KLHL4: variants seen among roughly 807,000 people sequenced by gnomAD.
KLHL4 encodes kelch like family member 4.
Under a neutral mutation model 45.8 loss-of-function variants are expected in KLHL4, and 17 were observed. That is an observed-to-expected ratio of 0.37 (90% CI 0.25 to 0.56). KLHL4 has a LOEUF of 0.56. Ranked by LOEUF, KLHL4 falls within the 20% of genes least tolerant of loss-of-function variation. The pLI is 0.79. For missense variants in KLHL4, 544 were observed against 544.9 expected, an observed-to-expected ratio of 1.00 and a Z score of 0.02; for synonymous variants, 224 against 189.9, an observed-to-expected ratio of 1.18 and a Z score of -1.47.
At position 87,641,625 on chromosome X, in the gene KLHL4, G is replaced by T. The variant is rs1026898177; in HGVS notation, c.1925+5850G>T. 4.5e-5 allele frequency among the ~76,000 whole-genome samples: 5 copies of T among 111,499 alleles called. No homozygotes were observed. In the Admixed American group the frequency reaches 4.8e-4, roughly 11 times the overall value. ...CCAAGCCCTTTTCTTTTGCAGCTTG[G>T]AAGCAGGTATCCTGGGGCAAGTTTT... On this transcript the variant is annotated intron_variant, in intron 9 of 10. Coordinates refer to ENST00000373119, the MANE Select transcript of KLHL4 (RefSeq NM_019117.5).
At chrX:87,594,121 T>G (rs2147801999) in intron 1 of KLHL4, among the ~76,000 whole-genome samples, 1 of 111,457 alleles carries the variant, frequency 9.0e-6, no homozygotes, top group Non-Finnish European at 1.9e-5. Flanking sequence ...ATTTGATAGT[T>G]TTATGTGGTC....
chrX:87,571,089 A>G (rs970784657), intron 1 of KLHL4, among the ~76,000 whole-genome samples: 2 of 110,838 alleles, frequency 1.8e-5, no homozygotes, highest in Non-Finnish European at 3.8e-5. Context: ...CTCAGGGTAC[A>G]TATTTTATAA....
intron 1 of KLHL4, among the ~76,000 whole-genome samples, chrX:87,606,087 C>T (rs895968367): frequency 1.8e-5 from 2 of 111,609 alleles, no homozygotes; most frequent in East Asian, 5.6e-4. Flanking sequence ...CCCACTTGAT[C>T]ACAATAGATG....
chrX:87,529,829 T>C (rs1000204470), intron 1 of KLHL4, among the ~76,000 whole-genome samples: 3 of 112,001 alleles, frequency 2.7e-5, no homozygotes, highest in Non-Finnish European at 5.6e-5. Flanking sequence ...AAGAGATTCA[T>C]TTTCTTTGAG....
intron 1 of KLHL4, among the ~76,000 whole-genome samples, chrX:87,605,575 C>T (rs780411451): frequency 1.9e-4 from 21 of 110,519 alleles, no homozygotes; most frequent in Non-Finnish European, 3.2e-4. Context: ...ATTTTTGTTA[C>T]GTTGACTTTT....
intron 1 of KLHL4, among the ~76,000 whole-genome samples, chrX:87,520,438 C>T (rs947401249): frequency 1.2e-4 from 14 of 112,466 alleles, no homozygotes; most frequent in African/African-American, 4.5e-4. Context: ...TTAAGCCATC[C>T]AGATTTCTAC....
rs187883152 is a variant in KLHL4 at position 87,637,324 on chromosome X, A to G, written c.1925+1549A>G. Among the ~76,000 whole-genome samples, 562 of 111,870 alleles carry G rather than the reference A, an allele frequency of 5.0e-3. 4 individuals are homozygous for G. Among genetic ancestry groups the G allele is most frequent in the African/African-American group, 0.017 (535 of 30,728 alleles). On this transcript the variant is annotated intron_variant, in intron 9 of 10. Coordinates refer to ENST00000373119, the MANE Select transcript of KLHL4 (RefSeq NM_019117.5). The stretch of plus-strand genomic sequence containing the variant: ...GGGATCACCCCCATAGGACAAAAGA[A>G]TCTGAACAGCAGCCCTTGAGTTCCA...
intron 1 of KLHL4, among the ~76,000 whole-genome samples, chrX:87,609,100 T>G (rs970449469): frequency 8.9e-6 from 1 of 111,872 alleles, no homozygotes; most frequent in African/African-American, 3.3e-5. Flanking sequence ...TATCCTTTTT[T>G]ATGGCTGCAT....
chrX:87,646,735 A>G (rs146968521), intron 9 of KLHL4, among the ~76,000 whole-genome samples: 4,233 of 111,762 alleles, frequency 0.038, 208 homozygotes, highest in African/African-American at 0.13. Context: ...ACCCTATAGA[A>G]AAATCAAGTC....
At chrX:87,538,419 AT>A (rs1931479392) in intron 1 of KLHL4, among the ~76,000 whole-genome samples, 1 of 111,971 alleles carries the variant, frequency 8.9e-6, no homozygotes, top group South Asian at 3.6e-4. Context: ...TATTCCACTA[AT>A]TTTTGTTTTT....
At chrX:87,559,103 A>C (rs1327041084) in intron 1 of KLHL4, among the ~76,000 whole-genome samples, 2 of 112,153 alleles carry the variant, frequency 1.8e-5, no homozygotes, top group East Asian at 5.7e-4. Flanking sequence ...TTTGCTTGAA[A>C]GCAGCCATAG....
At chrX:87,598,985 A>G in intron 1 of KLHL4, among the ~76,000 whole-genome samples, 1 of 111,238 alleles carries the variant, frequency 9.0e-6, no homozygotes, top group East Asian at 2.8e-4. Flanking sequence ...ATCCAGAAAT[A>G]ATAACCATAG....
chrX:87,623,926 T>C (rs755414612), intron 5 of KLHL4, among the ~76,000 whole-genome samples: 2 of 111,791 alleles, frequency 1.8e-5, no homozygotes, highest in Non-Finnish European at 3.8e-5. Flanking sequence ...CCTTTGAAAA[T>C]GTTCCTTGAC....
At chrX:87,601,344 C>T (rs1389583165) in intron 1 of KLHL4, among the ~76,000 whole-genome samples, 1 of 111,340 alleles carries the variant, frequency 9.0e-6, no homozygotes, top group Non-Finnish European at 1.9e-5. Context: ...TTTCTTCTCC[C>T]CAGATTCTTT....
intron 9 of KLHL4, among the ~76,000 whole-genome samples, chrX:87,649,086 A>T (rs1488157592): frequency 4.5e-5 from 5 of 111,669 alleles, no homozygotes; most frequent in Non-Finnish European, 7.5e-5. Flanking sequence ...CAGTTTAGTG[A>T]CATATACACA....
chrX:87,591,312 A>G (rs778790242), intron 1 of KLHL4, among the ~76,000 whole-genome samples: 1 of 112,114 alleles, frequency 8.9e-6, no homozygotes, highest in African/African-American at 3.2e-5. Flanking sequence ...TATTCAGATT[A>G]TTAGCCAATT....
At chrX:87,612,358 A>T (rs999998290) in intron 1 of KLHL4, among the ~76,000 whole-genome samples, 6 of 111,730 alleles carry the variant, frequency 5.4e-5, no homozygotes, top group Non-Finnish European at 9.4e-5. Context: ...AGATGAAAAA[A>T]TACTTACTAT....
intron 1 of KLHL4, among the ~76,000 whole-genome samples, chrX:87,548,164 T>TCCTCAGTGGAAATTTTACAGG (rs1243758905): frequency 2.7e-5 from 3 of 111,922 alleles, no homozygotes; most frequent in East Asian, 5.7e-4. Context: ...GGCAGCAGAC[T>TCCTCAGTGGAAATTTTACAGG]CCTCAGTGGA....
rs755331488 is a variant in KLHL4, at chrX:87,597,951, C to A, written c.423-15926C>A. On this transcript the variant is annotated intron_variant, in intron 1 of 10. Coordinates refer to ENST00000373119, the MANE Select transcript of KLHL4 (RefSeq NM_019117.5). ...TGACGAGAGCACTAACTTTATAATG[C>A]TTTTCCAGTGCAGAAAAAAAGCAGT... Among the ~76,000 whole-genome samples the A allele has an allele frequency of 2.8e-5, 3 of 105,306 alleles. No homozygotes were observed. In the East Asian group the frequency reaches 8.9e-4, roughly 31 times the overall value. 91.4% of individuals were successfully genotyped at this position (105,306 alleles called of 115,157 possible). A position where few individuals can be genotyped will look rare whatever the true frequency, so the allele number is the denominator to read the frequency against.
Sources: gnomAD v4.1 joint callset for allele counts (sites outside exome capture counted in the v4.1 genomes callset) on GRCh38, gnomAD v4.1.1 for gene constraint, MANE v1.5 for transcripts, NCBI Gene and HGNC (gene_info 2026-07-23, HGNC 2026-07-21) for gene names.